The following DNAH3 variants were observed in gnomAD, a reference collection of about 807,000 sequenced individuals.
DNAH3 encodes dynein axonemal heavy chain 3.
A neutral mutation model predicts 432.5 loss-of-function variants in DNAH3; 332 were observed. That is an observed-to-expected ratio of 0.77 (90% confidence interval 0.70 to 0.84). The LOEUF (loss-of-function observed/expected upper bound fraction) is 0.84. DNAH3 is among the 40% of genes least tolerant of loss of function. The pLI, the probability that DNAH3 is intolerant of heterozygous loss-of-function variation, is 0.00. For synonymous variants in DNAH3, 1,956 were observed against 1,900.2 expected, an observed-to-expected ratio of 1.03 and a Z score of -0.76; for missense variants, 4,861 against 5,114.0, an observed-to-expected ratio of 0.95 and a Z score of 1.51.
In DNAH3 at chr16:21,157,248, CCCTACT is replaced by C. The variant is rs986369735; in HGVS notation, c.117+2071_117+2076del. On this transcript the variant is annotated intron_variant, in intron 1 of 61. Transcript: ENST00000261383. ...TCATCCCAAGCAAATATTTTTGAGC[CCCTACT>C]CTGTGCCTCAATAGGTGCTAAGTTC... 5.3e-5 allele frequency among the ~76,000 whole-genome samples: 8 copies of C among 152,106 alleles called. No individual in the cohort carries two copies. The South Asian group carries it at 1.5e-3, about 28-fold the overall frequency.
At chr16:21,037,911 G>C (rs2089251802) in exon 34 of DNAH3, 5 of 1,614,188 alleles carry the variant, frequency 3.1e-6, no homozygotes, top group Non-Finnish European at 4.2e-6. Context: ...GCATACCGTA[G>C]TCATAGTGAT....
At chr16:21,127,893 G>A in intron 7 of DNAH3, 81 bp from the exon 9 acceptor site, 1 of 1,519,288 alleles carries the variant, frequency 6.6e-7, no homozygotes, top group South Asian at 1.2e-5. Flanking sequence ...AAGGGTGTGT[G>A]TTCACGTTTC....
intron 54 of DNAH3, among the ~76,000 whole-genome samples, chr16:20,955,498 C>T (rs556088410): frequency 4.4e-4 from 67 of 151,272 alleles, no homozygotes; most frequent in Non-Finnish European, 8.5e-4. Context: ...TGGAGTCCCT[C>T]TATGTTGCCC....
At chr16:20,973,879 T>C (rs115836185) in intron 51 of DNAH3, among the ~76,000 whole-genome samples, 1,771 of 152,230 alleles carry the variant, frequency 0.012, 35 homozygotes, top group African/African-American at 0.04. Context: ...GGGCATTCTG[T>C]GTAGAGGGAA....
At chr16:21,083,075 G>T (rs948031172) in intron 19 of DNAH3, among the ~76,000 whole-genome samples, 18 of 149,362 alleles carry the variant, frequency 1.2e-4, no homozygotes, top group Non-Finnish European at 2.7e-4. Flanking sequence ...GGAGTGCCAT[G>T]GCGCAATCTC....
intron 11 of DNAH3, among the ~76,000 whole-genome samples, chr16:21,119,305 C>T (rs2092281179): frequency 6.6e-6 from 1 of 152,122 alleles, no homozygotes; most frequent in Non-Finnish European, 1.5e-5. Context: ...TTCTCTTATG[C>T]CCTGTAGAGC....
chr16:21,107,536 A>G (rs7192016), intron 14 of DNAH3, among the ~76,000 whole-genome samples: 42,797 of 151,864 alleles, frequency 0.28, 6,150 homozygotes, highest in African/African-American at 0.34. Context: ...CACCGCACCC[A>G]GCCTTAATCA....
intron 49 of DNAH3, among the ~76,000 whole-genome samples, chr16:20,980,101 AC>A (rs1329153464): frequency 6.6e-6 from 1 of 150,756 alleles, no homozygotes; most frequent in East Asian, 1.9e-4. Flanking sequence ...TTGATGAATC[AC>A]CAGGGCTTAA....
At chr16:21,139,320 C>CGTTTTTTTT (rs2092687150) in intron 5 of DNAH3, among the ~76,000 whole-genome samples, 1 of 29,614 alleles carries the variant, frequency 3.4e-5, no homozygotes, top group South Asian at 2.8e-3. Flanking sequence ...TTTCCTCATG[C>CGTTTTTTTT]TTTTTTTTTT....
At chr16:21,070,544 A>G (rs2090744144) in intron 22 of DNAH3, among the ~76,000 whole-genome samples, 166 bp downstream of exon 22, 1 of 152,100 alleles carries the variant, frequency 6.6e-6, no homozygotes, top group Non-Finnish European at 1.5e-5. Context: ...CGGCCTCCCA[A>G]AGTACTGGGG....
chr16:21,015,709 A>G (rs1050934966), intron 41 of DNAH3, among the ~76,000 whole-genome samples: 1 of 152,252 alleles, frequency 6.6e-6, no homozygotes, highest in African/African-American at 2.4e-5. Context: ...CTATAAATTT[A>G]AGACTAAAGT....
At chr16:21,138,338 CAG>C (rs1491497741) in intron 5 of DNAH3, among the ~76,000 whole-genome samples, 3 of 152,040 alleles carry the variant, frequency 2.0e-5, no homozygotes, top group East Asian at 1.9e-4. Context: ...CAGCTGCTAA[CAG>C]GGGAGTATTG....
In DNAH3 at chr16:20,963,344, C is replaced by T. The variant is rs1454188311; in HGVS notation, c.10540G>A (p.Asp3514Asn). ...ATCAAAGGCGCACAGCAGCTGGAATCATTGTAGGATCCCTGGAGATCGAAC... is the reference window on the plus strand; with the variant it reads ...ATCAAAGGCGCACAGCAGCTGGAATTATTGTAGGATCCCTGGAGATCGAAC... Residue 3514 changes from aspartate (D) to asparagine (N), a missense_variant, in exon 53 of 62, where the codon GAT becomes AAT. By Grantham distance (23) the Asp-to-Asn change is conservative. Coordinates refer to ENST00000261383, the Ensembl canonical transcript of DNAH3. 2.5e-6 allele frequency: 4 copies of T among 1,614,178 alleles called. No homozygotes were observed. In the South Asian group the frequency reaches 4.4e-5, roughly 18 times the overall value.
chr16:21,047,726 C>T (rs2089768588), intron 31 of DNAH3, among the ~76,000 whole-genome samples: 4 of 152,212 alleles, frequency 2.6e-5, no homozygotes, highest in South Asian at 4.2e-4. Context: ...TGAGGAACTG[C>T]GTTCCTTTGG....
chr16:21,072,572 C>T (rs1422489316), intron 21 of DNAH3, among the ~76,000 whole-genome samples: 1 of 152,068 alleles, frequency 6.6e-6, no homozygotes, highest in Non-Finnish European at 1.5e-5. Context: ...AGTGATCTGC[C>T]TGCCTCAGCC....
At chr16:20,960,505 G>A (rs2084769808) in intron 53 of DNAH3, among the ~76,000 whole-genome samples, 1 of 152,196 alleles carries the variant, frequency 6.6e-6, no homozygotes, top group African/African-American at 2.4e-5. Context: ...GGCCAACATG[G>A]TGAAACCCCA....
At chr16:21,003,708 G>A (rs9934449) in intron 41 of DNAH3, among the ~76,000 whole-genome samples, 31,184 of 152,090 alleles carry the variant, frequency 0.21, 3,514 homozygotes, top group South Asian at 0.29. Context: ...CCAGGAGGCC[G>A]AGGTTGCAGT....
At chr16:21,114,917 A>T (rs2092152103) in intron 12 of DNAH3, among the ~76,000 whole-genome samples, 1 of 152,248 alleles carries the variant, frequency 6.6e-6, no homozygotes, top group Non-Finnish European at 1.5e-5. Flanking sequence ...ATTATAAATC[A>T]TGCCGCTATA....
At position 21,092,485 on chromosome 16, in the gene DNAH3, T is replaced by C. The variant is rs532220066; in HGVS notation, c.2665+4870A>G. ...ACAAAAATTAACTCAAAATGGATCA[T>C]AGACTTAAATCTAAAATGGAAAACT... On this transcript the variant is annotated intron_variant, in intron 18 of 61. Transcript: ENST00000261383. 5.9e-5 allele frequency among the ~76,000 whole-genome samples: 9 copies of C among 151,954 alleles called. No individual in the cohort carries two copies. The South Asian group carries it at 1.5e-3, about 25-fold the overall frequency.
Sources: allele counts gnomAD v4.1 joint callset (sites outside exome capture counted in the v4.1 genomes callset), GRCh38; gene constraint gnomAD v4.1.1; transcripts MANE v1.5; gene names NCBI Gene and HGNC (gene_info 2026-07-23, HGNC 2026-07-21).